Variants in STK3 observed in about 807,000 individuals in gnomAD.
The protein encoded by STK3 is serine/threonine-protein kinase 3.
In STK3, 41 loss-of-function variants were observed where a neutral mutation model predicts 58.0. The observed-to-expected ratio is 0.71, with a 90% confidence interval of 0.55 to 0.92. STK3 has a LOEUF of 0.92. Among genes scored for constraint, STK3 ranks in the 40% least tolerant of loss-of-function variants. The probability of loss-of-function intolerance (pLI) is 0.00; values close to 1 mark genes in which losing one functional copy is unlikely to be tolerated. For synonymous variants in STK3, 170 were observed against 191.0 expected (o/e 0.89, Z 0.91); for missense variants, 479 against 602.7 (o/e 0.79, Z 2.15).
In STK3 at chr8:98,517,709, T is replaced by G. The variant is rs576726702; in HGVS notation, c.1317+9033A>C. On this transcript the variant is annotated intron_variant, in intron 10 of 10. Transcript: ENST00000419617. ...ATGCATTACTAGTTTCCTCAATCAA[T>G]TTTTAAAACTTTTTTGAAATCGAAT... 2.6e-5 allele frequency among the ~76,000 whole-genome samples: 4 copies of G among 152,244 alleles called. No individual in the cohort carries two copies. The East Asian group carries it at 7.7e-4, about 29-fold the overall frequency.
chr8:98,767,812 T>G (rs1378559356), intron 2 of STK3, among the ~76,000 whole-genome samples: 1 of 152,152 alleles, frequency 6.6e-6, no homozygotes, highest in Non-Finnish European at 1.5e-5. Context: ...GTTAAAACCC[T>G]CAGCTGGGGA....
intron 2 of STK3, among the ~76,000 whole-genome samples, chr8:98,373,200 T>C (rs1364396955): frequency 6.6e-6 from 1 of 152,180 alleles, no homozygotes; most frequent in East Asian, 1.9e-4. Flanking sequence ...GATTGCTGTT[T>C]ATGAGTTTCT....
chr8:98,672,036 C>T (rs1478628746), intron 6 of STK3, among the ~76,000 whole-genome samples: 1 of 152,218 alleles, frequency 6.6e-6, no homozygotes, highest in Non-Finnish European at 1.5e-5. Flanking sequence ...CAGGCCTTCT[C>T]AGCCATGTGG....
At chr8:98,839,814 C>T (rs1835894796) in intron 3 of STK3, among the ~76,000 whole-genome samples, 1 of 152,102 alleles carries the variant, frequency 6.6e-6, no homozygotes, top group Non-Finnish European at 1.5e-5. Flanking sequence ...GGAAAGTTAT[C>T]TCAGGGGCAC....
At chr8:98,636,199 C>T (rs1819605328) in intron 6 of STK3, among the ~76,000 whole-genome samples, 1 of 151,898 alleles carries the variant, frequency 6.6e-6, no homozygotes, top group Non-Finnish European at 1.5e-5. Context: ...TCTCACTGTA[C>T]ATATGGGAAA....
chr8:98,872,762 C>G (rs1430741042), intron 3 of STK3, among the ~76,000 whole-genome samples: 1 of 151,958 alleles, frequency 6.6e-6, no homozygotes, highest in Non-Finnish European at 1.5e-5. Context: ...AGTGGTCTAT[C>G]TATTTTGTTG....
At chr8:98,835,385 G>C (rs183637423) in intron 3 of STK3, among the ~76,000 whole-genome samples, 3 of 152,164 alleles carry the variant, frequency 2.0e-5, no homozygotes, top group Non-Finnish European at 4.4e-5. Context: ...AAAGAAAAAG[G>C]TTTCCTTCCT....
In STK3 at chr8:98,906,989, T is replaced by TAAAAAAAAAAAAAAA. The variant is rs3085954; in HGVS notation, c.-78-23170_-78-23156dup. 2.1e-3 allele frequency among the ~76,000 whole-genome samples: 195 copies of TAAAAAAAAAAAAAAA among 94,720 alleles called. 4 individuals are homozygous for TAAAAAAAAAAAAAAA. The highest frequency in any genetic ancestry group is 7.7e-3 in the African/African-American group (184 of 23,874). 62.1% of individuals were successfully genotyped at this position (94,720 alleles called of 152,430 possible). A position where few individuals can be genotyped will look rare whatever the true frequency, so the allele number is the denominator to read the frequency against. On this transcript the variant is annotated intron_variant, in intron 1 of 1. Transcript: ENST00000519420. ...ATAGGGATAACCCCATCTCTACCAA[T>TAAAAAAAAAAAAAAA]AAAAAAAAAAAAAAAAAAATTAGCC... is the stretch of plus-strand genomic sequence containing the variant.
intron 8 of STK3, among the ~76,000 whole-genome samples, chr8:98,552,824 A>C (rs1315676980): frequency 6.6e-6 from 1 of 152,208 alleles, no homozygotes; most frequent in Non-Finnish European, 1.5e-5. Context: ...ATATTTATTT[A>C]ATGAATAAAT....
chr8:98,448,756 C>T (rs1819063778), intron 1 of STK3, among the ~76,000 whole-genome samples: 1 of 152,146 alleles, frequency 6.6e-6, no homozygotes, highest in African/African-American at 2.4e-5. Context: ...GACATAGACT[C>T]ACTTTTCTGT....
chr8:98,428,081 G>A lies in STK3; in HGVS notation n.483+6046C>T. On this transcript the variant is annotated intron_variant and non_coding_transcript_variant, in intron 3 of 3. Transcript: ENST00000517832. The surrounding 1 kb of genome is among the most constrained non-coding windows in gnomAD (Gnocchi z 6.7). The stretch of plus-strand genomic sequence containing the variant: ...TCAAGAGGAGGCTGCGCTCGCACAC[G>A]CTGCTGCGCTTCCCCGAGACGCGCC... The A allele has an allele frequency of 6.2e-7, 1 of 1,613,678 alleles. No homozygotes were observed. Among genetic ancestry groups the A allele is most frequent in the Non-Finnish European group, 8.5e-7 (1 of 1,179,886 alleles).
intron 6 of STK3, among the ~76,000 whole-genome samples, chr8:98,653,873 G>A (rs956468019): frequency 1.3e-5 from 2 of 152,166 alleles, no homozygotes; most frequent in Non-Finnish European, 2.9e-5. Context: ...TCCAGGACCA[G>A]AAGGATTCAC....
chr8:98,411,601 C>T (rs779648788), intron 3 of STK3, among the ~76,000 whole-genome samples: 16 of 152,226 alleles, frequency 1.1e-4, no homozygotes, highest in Non-Finnish European at 1.5e-5. Context: ...TGCCCCTTGG[C>T]GATATCCACA....
intron 1 of STK3, among the ~76,000 whole-genome samples, chr8:98,907,169 A>G (rs928730691): frequency 2.6e-5 from 4 of 151,670 alleles, no homozygotes; most frequent in East Asian, 1.9e-4. Context: ...AAAGCAACCA[A>G]AAAACAAAAT....
chr8:98,884,964 A>G (rs866155636), intron 1 of STK3, among the ~76,000 whole-genome samples: 2 of 152,374 alleles, frequency 1.3e-5, no homozygotes, highest in Middle Eastern at 3.4e-3. Context: ...CTCAAAGAAC[A>G]CTGCAATACC....
chr8:98,693,385 C>T lies in STK3; in HGVS notation c.684+13082G>A, dbSNP rs566280822. 2.0e-5 allele frequency among the ~76,000 whole-genome samples: 3 copies of T among 151,696 alleles called. No homozygotes were observed. In the East Asian group the frequency reaches 5.8e-4, roughly 29 times the overall value. On this transcript the variant is annotated intron_variant, in intron 6 of 10. Transcript: ENST00000419617. ...TCCAGCCTGGGTGACAAAGCAAGAC[C>T]CTGTGAAAGAAGAAAGAAGATGATG...
rs1564093746 is a variant in STK3, at chr8:98,903,557, C to CTTCTT, written c.-78-19724_-78-19723insAAGAA. 8.1e-4 allele frequency among the ~76,000 whole-genome samples: 8 copies of CTTCTT among 9,926 alleles called. 1 individual carries two copies. Among genetic ancestry groups the CTTCTT allele is most frequent in the Non-Finnish European group, 1.1e-3 (5 of 4,482 alleles). 6.5% of individuals were successfully genotyped at this position (9,926 alleles called of 152,430 possible). Reference sequence around the variant, plus strand: ...CTTCTTCTTCTTCTTCTTCTTCTTCCTTTTTTTTTTTTTAAGTGGGGCCTT... The same window carrying CTTCTT: ...CTTCTTCTTCTTCTTCTTCTTCTTCCTTCTTTTTTTTTTTTTTTAAGTGGGGCCTT... On this transcript the variant is annotated intron_variant, in intron 1 of 1. Transcript: ENST00000519420.
At chr8:98,696,782 C>A (rs1824984690) in intron 6 of STK3, among the ~76,000 whole-genome samples, 1 of 152,020 alleles carries the variant, frequency 6.6e-6, no homozygotes, top group Non-Finnish European at 1.5e-5. Flanking sequence ...AGGATTTTTG[C>A]ATCAATGTTC....
intron 6 of STK3, among the ~76,000 whole-genome samples, chr8:98,626,308 C>CA (rs1214398512): frequency 6.6e-6 from 1 of 152,058 alleles, no homozygotes; most frequent in Admixed American, 6.5e-5. Context: ...ACTCTCTTCC[C>CA]AAAAAAGGTA....
Sources: gnomAD v4.1 joint callset for allele counts (sites outside exome capture counted in the v4.1 genomes callset) on GRCh38, gnomAD v4.1.1 for gene constraint, Gnocchi (gnomAD v3.1) non-coding constraint, MANE v1.5 for transcripts, NCBI Gene and HGNC (gene_info 2026-07-23, HGNC 2026-07-21) for gene names.